NTM: variants seen among roughly 807,000 people sequenced by gnomAD.
NTM encodes IgLON family member 2.
NTM carries 13 observed loss-of-function variants against 42.1 expected under a neutral mutation model. The observed-to-expected ratio is 0.31, with a 90% CI of 0.20 to 0.49. The LOEUF is 0.49. Among genes scored for constraint, NTM ranks in the 20% least tolerant of loss-of-function variants. The probability of loss-of-function intolerance (pLI) is 0.99; values close to 1 mark genes in which losing one functional copy is unlikely to be tolerated. For synonymous variants in NTM, 187 were observed against 179.2 expected (o/e 1.04, Z -0.35); for missense variants, 373 against 452.8 (o/e 0.82, Z 1.60).
intron 1 of NTM, among the ~76,000 whole-genome samples, chr11:131,817,221 G>C (rs528135553): frequency 1.7e-4 from 26 of 152,116 alleles, no homozygotes; most frequent in African/African-American, 6.0e-4. Flanking sequence ...TCCCTAAAAG[G>C]CTCAAGCATA....
chr11:131,632,209 T>C (rs1274197472), intron 1 of NTM, among the ~76,000 whole-genome samples: 1 of 152,228 alleles, frequency 6.6e-6, no homozygotes, highest in Non-Finnish European at 1.5e-5. Flanking sequence ...ATTTGCTCTA[T>C]ATTAATGATT....
intron 1 of NTM, among the ~76,000 whole-genome samples, chr11:131,461,069 T>C (rs1951328817): frequency 6.6e-6 from 1 of 152,220 alleles, no homozygotes; most frequent in Non-Finnish European, 1.5e-5. Flanking sequence ...TCTGGATGTT[T>C]TCAAGTATAA....
intron 4 of NTM, among the ~76,000 whole-genome samples, chr11:132,263,497 A>G (rs2092995615): frequency 6.6e-6 from 1 of 152,258 alleles, no homozygotes; most frequent in East Asian, 1.9e-4. Context: ...TCAAGCAATG[A>G]GTCTGCCACG....
chr11:132,197,997 C>A (rs1361912770), intron 3 of NTM, among the ~76,000 whole-genome samples: 2 of 152,006 alleles, frequency 1.3e-5, no homozygotes, highest in Admixed American at 1.3e-4. Flanking sequence ...GATTTATATT[C>A]TTTTGGGTAT....
chr11:131,864,849 C>G (rs2136999202), intron 1 of NTM, among the ~76,000 whole-genome samples: 1 of 152,304 alleles, frequency 6.6e-6, no homozygotes, highest in East Asian at 1.9e-4. Context: ...GAGCTGATAT[C>G]TGCCCTTTTT....
chr11:131,711,809 T>A (rs1278415229), intron 1 of NTM, among the ~76,000 whole-genome samples: 1 of 151,694 alleles, frequency 6.6e-6, no homozygotes, highest in Admixed American at 6.6e-5. Context: ...CCATAAAAAA[T>A]GACGAGTTCA....
At chr11:131,949,057 G>A (rs1949611608) in intron 2 of NTM, among the ~76,000 whole-genome samples, 1 of 152,182 alleles carries the variant, frequency 6.6e-6, no homozygotes, top group African/African-American at 2.4e-5. Flanking sequence ...TTGGGATACA[G>A]CGTGTAAGTG....
intron 1 of NTM, among the ~76,000 whole-genome samples, chr11:131,883,061 C>T (rs1262499730): frequency 5.3e-5 from 8 of 152,134 alleles, no homozygotes; most frequent in Non-Finnish European, 1.2e-4. Flanking sequence ...GATGGCAGCA[C>T]CTGCCAAAAG....
At chr11:131,875,638 C>T (rs181384003) in intron 1 of NTM, among the ~76,000 whole-genome samples, 8 of 152,314 alleles carry the variant, frequency 5.3e-5, no homozygotes, top group African/African-American at 1.9e-4. Context: ...CACAAGAAAG[C>T]AAAAGGATCC....
chr11:131,899,145 T>TGTGTCCAAGGTAAATTCAGAGGCA, intron 1 of NTM, among the ~76,000 whole-genome samples: 1 of 150,142 alleles, frequency 6.7e-6, no homozygotes, highest in African/African-American at 2.5e-5. Flanking sequence ...AAGTGAAGTA[T>TGTGTCCAAGGTAAATTCAGAGGCA]GTGTCCAAGG....
rs1012856766 is a variant in NTM at position 131,660,954 on chromosome 11, C to T, written c.83-250610C>T. Reference sequence around the variant, plus strand: ...GTAAGTGACATTTCATTCTGCTCATCCCCAAGGCAAAGTTGGATGTTTTTA... The same window carrying T: ...GTAAGTGACATTTCATTCTGCTCATTCCCAAGGCAAAGTTGGATGTTTTTA... On this transcript the variant is annotated intron_variant, in intron 1 of 8. Coordinates refer to ENST00000683400, the MANE Select transcript of NTM (RefSeq NM_001352005.2). 4.6e-6 allele frequency: 6 copies of T among 1,303,890 alleles called. No homozygotes were observed. The African/African-American group carries it at 6.1e-5, about 13-fold the overall frequency. The allele number at this position is 1,303,890 out of a possible 1,614,324, so 80.8% of individuals were successfully genotyped here.
chr11:132,172,050 T>G (rs1272338691), intron 3 of NTM, among the ~76,000 whole-genome samples: 1 of 152,244 alleles, frequency 6.6e-6, no homozygotes, highest in Non-Finnish European at 1.5e-5. Context: ...GACTCCACAT[T>G]GGTGCCTTAA....
At chr11:131,880,213 C>CT (rs528137709) in intron 1 of NTM, among the ~76,000 whole-genome samples, 1 of 152,140 alleles carries the variant, frequency 6.6e-6, no homozygotes, top group Admixed American at 6.5e-5. Context: ...TTGAGATTGA[C>CT]TTTTTTCTCC....
intron 1 of NTM, among the ~76,000 whole-genome samples, chr11:131,664,038 C>T (rs1362609720): frequency 6.6e-6 from 1 of 152,182 alleles, no homozygotes; most frequent in East Asian, 1.9e-4. Flanking sequence ...AGTCTTTGGA[C>T]CACCCTGGGC....
intron 1 of NTM, among the ~76,000 whole-genome samples, chr11:131,672,033 G>C (rs1444466923): frequency 6.6e-6 from 1 of 152,220 alleles, no homozygotes; most frequent in Non-Finnish European, 1.5e-5. Flanking sequence ...TGCCCTCGCT[G>C]TGTTCCTCTC....
chr11:132,198,674 A>G (rs1271852371), intron 3 of NTM, among the ~76,000 whole-genome samples: 1 of 152,236 alleles, frequency 6.6e-6, no homozygotes, highest in Non-Finnish European at 1.5e-5. Flanking sequence ...GGCTATGGTC[A>G]TATTCTGCAG....
chr11:132,065,460 T>C (rs2081298728), intron 2 of NTM, among the ~76,000 whole-genome samples: 1 of 152,180 alleles, frequency 6.6e-6, no homozygotes, highest in South Asian at 2.1e-4. Context: ...GATTCCACAC[T>C]GTCTCTCTTC....
intron 2 of NTM, among the ~76,000 whole-genome samples, chr11:132,098,713 G>A (rs574715392): frequency 2.0e-5 from 3 of 152,376 alleles, no homozygotes; most frequent in South Asian, 2.1e-4. Flanking sequence ...AGTACAAGGC[G>A]TGGTGAACTT....
intron 1 of NTM, among the ~76,000 whole-genome samples, chr11:131,666,286 T>C (rs112978950): frequency 0.015 from 2,229 of 152,260 alleles, 59 homozygotes; most frequent in African/African-American, 0.051. Context: ...GCTCATGAGA[T>C]GTCCACACCC....
Sources: gnomAD v4.1 joint callset for allele counts (sites outside exome capture counted in the v4.1 genomes callset) on GRCh38, gnomAD v4.1.1 for gene constraint, MANE v1.5 for transcripts, NCBI Gene and HGNC (gene_info 2026-07-23, HGNC 2026-07-21) for gene names.